Variants in BICC1 observed in about 807,000 individuals in gnomAD.
The protein encoded by BICC1 is protein bicaudal C homolog 1.
In BICC1, 43 loss-of-function variants were observed where a neutral mutation model predicts 111.0. The observed-to-expected ratio is 0.39, with a 90% CI of 0.30 to 0.50. The LOEUF is 0.50. Ranked by LOEUF, BICC1 falls within the 20% of genes least tolerant of loss-of-function variation. BICC1 has a pLI of 0.88. For synonymous variants in BICC1, 467 were observed against 434.4 expected, an observed-to-expected ratio of 1.07 and a Z score of -0.93; for missense variants, 1,091 against 1,203.2, an observed-to-expected ratio of 0.91 and a Z score of 1.38.
intron 5 of BICC1, among the ~76,000 whole-genome samples, chr10:58,788,041 G>C (rs1843062501): frequency 6.6e-6 from 1 of 152,080 alleles, no homozygotes; most frequent in Non-Finnish European, 1.5e-5. Context: ...GGTATGCAAA[G>C]AGCTTAAACA....
chr10:58,616,410 A>G (rs895988908), intron 1 of BICC1, among the ~76,000 whole-genome samples: 33 of 152,328 alleles, frequency 2.2e-4, no homozygotes, highest in African/African-American at 6.3e-4. Flanking sequence ...AAATGCCCCA[A>G]TGGGAGAAGG....
chr10:58,682,905 A>G lies in BICC1; in HGVS notation c.238-19169A>G, dbSNP rs190388690. On this transcript the variant is annotated intron_variant, in intron 2 of 20. Transcript: ENST00000373886. ...TAGTTTAATTAGATCCCATTTGTCA[A>G]TTTTGGCTTTTGTTGCCATTGCTTT... 7.2e-3 allele frequency among the ~76,000 whole-genome samples: 1,090 copies of G among 152,272 alleles called. 14 individuals are homozygous for G. The highest frequency in any genetic ancestry group is 0.025 in the African/African-American group (1,028 of 41,540).
At chr10:58,826,954 A>G (rs1018703745) in intron 20 of BICC1, among the ~76,000 whole-genome samples, 2 of 152,218 alleles carry the variant, frequency 1.3e-5, no homozygotes, top group Non-Finnish European at 2.9e-5. Flanking sequence ...GAAGGCATGG[A>G]TAACAAGAAT....
chr10:58,587,190 G>C lies in BICC1; in HGVS notation c.191-33665G>C, dbSNP rs1342504410. On this transcript the variant is annotated intron_variant, in intron 1 of 20. Transcript: ENST00000373886. ...TCCTTCCGTCTTCTTCTGTGTTCAT[G>C]CATACGTGTTCTGCTTGCTTTACCT... is the stretch of plus-strand genomic sequence containing the variant. Among the ~76,000 whole-genome samples, 3 of 152,206 alleles carry C rather than the reference G, an allele frequency of 2.0e-5. No individual in the cohort carries two copies. The South Asian group carries it at 6.2e-4, about 32-fold the overall frequency.
chr10:58,776,832 TCTTC>T (rs1481344111), intron 3 of BICC1, among the ~76,000 whole-genome samples: 1 of 152,204 alleles, frequency 6.6e-6, no homozygotes, highest in Non-Finnish European at 1.5e-5. Flanking sequence ...CCCAGAATCC[TCTTC>T]CTTATCTCTG....
chr10:58,602,336 T>G (rs186120194), intron 1 of BICC1, among the ~76,000 whole-genome samples: 23 of 152,270 alleles, frequency 1.5e-4, no homozygotes, highest in African/African-American at 5.5e-4. Flanking sequence ...TACGCACATA[T>G]TTTTTGAAAG....
Position 58,739,249 on chromosome 10 carries a change from G to C in BICC1, c.307+37106G>C, listed in dbSNP as rs9416739. On this transcript the variant is annotated intron_variant, in intron 3 of 20. Coordinates refer to ENST00000373886, the MANE Select transcript of BICC1 (RefSeq NM_001080512.3). ...TAGATAGCTCTTATTATTTTGAGATGCGTCCCATCAATACCTAATTTATTG... is the reference window on the plus strand; with the variant it reads ...TAGATAGCTCTTATTATTTTGAGATCCGTCCCATCAATACCTAATTTATTG... Among the ~76,000 whole-genome samples the C allele has an allele frequency of 5.5e-3, 844 of 152,264 alleles. 8 individuals are homozygous for C. The highest frequency in any genetic ancestry group is 0.019 in the African/African-American group (789 of 41,538).
chr10:58,615,083 C>T (rs73290104), intron 1 of BICC1, among the ~76,000 whole-genome samples: 1,526 of 152,040 alleles, frequency 0.01, 24 homozygotes, highest in African/African-American at 0.035. Context: ...AGTGCCCCCC[C>T]GAGACACTTT....
Position 58,766,681 on chromosome 10 carries a change from C to A in BICC1, c.308-18320C>A, listed in dbSNP as rs552665780. ...GAGAAGTTCCAGCTCACTGCTGGAG[C>A]AAAAAATTTAAGGAGAGATGCATTG... On this transcript the variant is annotated intron_variant, in intron 3 of 20. Transcript: ENST00000373886. 8.6e-5 allele frequency among the ~76,000 whole-genome samples: 13 copies of A among 151,780 alleles called. No individual in the cohort carries two copies. In the South Asian group the frequency reaches 2.7e-3, roughly 32 times the overall value.
intron 9 of BICC1, 23 bp from the exon 10 acceptor site, chr10:58,796,317 T>G: frequency 1.2e-6 from 2 of 1,606,084 alleles, no homozygotes; most frequent in South Asian, 1.1e-5. Flanking sequence ...TCACCTTTTT[T>G]CCCCCATTAT....
chr10:58,799,340 T>C lies in BICC1; in HGVS notation c.1725+88T>C, dbSNP rs551428655. On this transcript the variant is annotated intron_variant, in intron 12 of 20. Coordinates refer to ENST00000373886, the MANE Select transcript of BICC1 (RefSeq NM_001080512.3). ...TAAAGTTAAAACATGCTAGAATGTG[T>C]GTGTGTGATCTCTGCTGTTTGTAAG... The C allele has an allele frequency of 3.8e-6, 4 of 1,045,440 alleles. No individual in the cohort carries two copies. The South Asian group carries it at 6.3e-5, about 16-fold the overall frequency. The allele number at this position is 1,045,440 out of a possible 1,614,324, so 64.8% of individuals were successfully genotyped here.
chr10:58,645,437 AG>A (rs1308556348), intron 2 of BICC1, among the ~76,000 whole-genome samples: 4 of 141,156 alleles, frequency 2.8e-5, no homozygotes, highest in African/African-American at 1.0e-4. Context: ...AAAAAAAAAG[AG>A]GGAAAAGGTA....
At chr10:58,796,248 T>C (rs1055872269) in intron 9 of BICC1, 92 bp from the exon 10 acceptor site, 14 of 1,045,700 alleles carry the variant, frequency 1.3e-5, no homozygotes, top group South Asian at 7.6e-5. Context: ...GGAATTCTTA[T>C]TAGCGTATTC....
At chr10:58,725,960 C>T (rs1157170513) in intron 3 of BICC1, among the ~76,000 whole-genome samples, 1 of 152,148 alleles carries the variant, frequency 6.6e-6, no homozygotes, top group East Asian at 1.9e-4. Context: ...AATTGGGGAA[C>T]TTGGAGACCA....
chr10:58,512,534 G>T (rs1388543672), upstream of BICC1, among the ~76,000 whole-genome samples: 1 of 152,148 alleles, frequency 6.6e-6, no homozygotes, highest in Non-Finnish European at 1.5e-5. Context: ...CATGTAGGGG[G>T]AAGAGATTTG....
In BICC1 at chr10:58,789,816, C is replaced by T. The variant is rs1184811864; in HGVS notation, c.930C>T (p.Ile310=). 1.2e-6 allele frequency: 2 copies of T among 1,614,018 alleles called. No individual in the cohort carries two copies. Among genetic ancestry groups the T allele is most frequent in the South Asian group, 2.2e-5 (2 of 91,088 alleles). ...MGRNGSNIKH[I]MQRTGAQIHF... ...GAAATGGGAGCAACATCAAACATATCATGCAGAGAACAGGTGCTCAGATCC... is the reference window on the plus strand; with the variant it reads ...GAAATGGGAGCAACATCAAACATATTATGCAGAGAACAGGTGCTCAGATCC... Residue 310 remains isoleucine (I), a synonymous_variant, in exon 8 of 21, where the codon ATC becomes ATT. Transcript: ENST00000373886.
chr10:58,725,324 C>G (rs1272518283), intron 3 of BICC1, among the ~76,000 whole-genome samples: 2 of 152,176 alleles, frequency 1.3e-5, no homozygotes, highest in African/African-American at 4.8e-5. Context: ...TCCTTGCCGT[C>G]CCTGCCCTAC....
chr10:58,517,751 C>A (rs1313187719), intron 1 of BICC1, among the ~76,000 whole-genome samples: 1 of 152,092 alleles, frequency 6.6e-6, no homozygotes, highest in Non-Finnish European at 1.5e-5. Flanking sequence ...TCAAATGGGG[C>A]AGTTAATGGT....
chr10:58,752,354 G>T (rs1341900242), intron 3 of BICC1, among the ~76,000 whole-genome samples: 1 of 152,118 alleles, frequency 6.6e-6, no homozygotes, highest in Non-Finnish European at 1.5e-5. Context: ...TTGAGTATCT[G>T]CTTGCAAAAC....
Sources: allele counts gnomAD v4.1 joint callset (sites outside exome capture counted in the v4.1 genomes callset), GRCh38; gene constraint gnomAD v4.1.1; transcripts MANE v1.5; gene names NCBI Gene and HGNC (gene_info 2026-07-23, HGNC 2026-07-21).